Variants in TGFBI observed in about 807,000 individuals in gnomAD.
TGFBI encodes the protein transforming growth factor beta induced, also known as transforming growth factor-beta-induced protein ig-h3.
TGFBI carries 50 observed loss-of-function variants against 73.7 expected under a neutral mutation model. The ratio of observed to expected loss-of-function variants is 0.68; its 90% CI spans 0.54 to 0.86. The LOEUF (loss-of-function observed/expected upper bound fraction) is 0.86, where lower values mean the gene tolerates loss of function less well. Ranked by LOEUF, TGFBI falls within the 40% of genes least tolerant of loss-of-function variation. The pLI is 0.00. For missense variants in TGFBI, 839 were observed against 877.0 expected (o/e 0.96, Z 0.55); for synonymous variants, 362 against 360.5 (o/e 1.00, Z -0.05).
At chr5:136,044,278 G>A (rs77954727) in intron 3 of TGFBI, among the ~76,000 whole-genome samples, 156 bp downstream of exon 3, 34 of 152,354 alleles carry the variant, frequency 2.2e-4, no homozygotes, top group Admixed American at 7.8e-4. Flanking sequence ...GGCTCTATGC[G>A]AGGGGCTGAG....
intron 2 of TGFBI, among the ~76,000 whole-genome samples, chr5:136,037,080 C>G (rs532561491): frequency 7.2e-5 from 11 of 152,196 alleles, no homozygotes; most frequent in Non-Finnish European, 1.3e-4. Context: ...CTGCTATCAT[C>G]AGGTGAAGCT....
chr5:136,053,165 T>C (rs2126913063), intron 8 of TGFBI, 46 bp downstream of exon 8: 2 of 1,566,908 alleles, frequency 1.3e-6, no homozygotes, highest in Non-Finnish European at 1.8e-6. Flanking sequence ...GCCCACCATC[T>C]CTTCTGCCAT....
intron 1 of TGFBI, among the ~76,000 whole-genome samples, chr5:136,032,265 C>A (rs1239696181): frequency 6.6e-6 from 1 of 152,140 alleles, no homozygotes; most frequent in African/African-American, 2.4e-5. Context: ...GTCCCTAGAT[C>A]CTTACATGGA....
At chr5:136,038,720 CAA>C (rs35433510) in intron 2 of TGFBI, among the ~76,000 whole-genome samples, 3 of 139,966 alleles carry the variant, frequency 2.1e-5, no homozygotes, top group Non-Finnish European at 3.1e-5. Flanking sequence ...GACTCCATCT[CAA>C]AAAAAAAAAA....
chr5:136,061,735 C>G (rs1263459532), intron 15 of TGFBI, 156 bp downstream of exon 15: 1 of 704,564 alleles, frequency 1.4e-6, no homozygotes, highest in Non-Finnish European at 2.6e-6. Flanking sequence ...CAGCCCCAGC[C>G]TGTGTCAAAT....
At chr5:136,033,175 A>G (rs1751151467) in intron 1 of TGFBI, among the ~76,000 whole-genome samples, 1 of 152,100 alleles carries the variant, frequency 6.6e-6, no homozygotes, top group Non-Finnish European at 1.5e-5. Flanking sequence ...ACCCAACATC[A>G]AATAAGGACC....
intron 1 of TGFBI, among the ~76,000 whole-genome samples, chr5:136,031,486 C>T (rs1190999327): frequency 6.6e-6 from 1 of 152,260 alleles, no homozygotes; most frequent in Non-Finnish European, 1.5e-5. Flanking sequence ...ACAGTGAGAT[C>T]TACTGTTCAT....
At chr5:136,032,793 G>A (rs1751145543) in intron 1 of TGFBI, among the ~76,000 whole-genome samples, 1 of 152,006 alleles carries the variant, frequency 6.6e-6, no homozygotes, top group South Asian at 2.1e-4. Flanking sequence ...TTCCCTAGGG[G>A]CTCCTAATGA....
chr5:136,048,589 A>G (rs1561610816), intron 6 of TGFBI: 1 of 152,316 alleles, frequency 6.6e-6, no homozygotes, highest in Admixed American at 6.5e-5. Flanking sequence ...GGGCAGGTAA[A>G]TCGGGAGTGA....
chr5:136,054,516 A>G (rs1242557305), intron 9 of TGFBI, among the ~76,000 whole-genome samples, 200 bp from the exon 10 acceptor site: 1 of 152,190 alleles, frequency 6.6e-6, no homozygotes, highest in Non-Finnish European at 1.5e-5. Flanking sequence ...AAAACTCCAA[A>G]CACCCTTGAT....
intron 2 of TGFBI, among the ~76,000 whole-genome samples, chr5:136,040,636 C>T (rs1751313369): frequency 6.6e-6 from 1 of 152,206 alleles, no homozygotes; most frequent in Non-Finnish European, 1.5e-5. Context: ...AAGGGATCTG[C>T]TTTTTCTGAC....
intron 3 of TGFBI, among the ~76,000 whole-genome samples, chr5:136,044,397 A>G (rs1333577781): frequency 6.6e-6 from 1 of 152,262 alleles, no homozygotes; most frequent in Non-Finnish European, 1.5e-5. Flanking sequence ...CCCAGCAGGC[A>G]CAGGCTCAGG....
intron 13 of TGFBI, among the ~76,000 whole-genome samples, chr5:136,059,844 A>C (rs1751716134): frequency 6.6e-6 from 1 of 152,140 alleles, no homozygotes; most frequent in African/African-American, 2.4e-5. Context: ...ATTGCTCACC[A>C]GTTTCTCACG....
chr5:136,053,191 AG>A, intron 8 of TGFBI, 72 bp downstream of exon 8: 1 of 1,467,950 alleles, frequency 6.8e-7, no homozygotes, highest in East Asian at 2.3e-5. Flanking sequence ...GTGGCGGGGG[AG>A]GGGAAATTCA....
chr5:136,037,646 G>A (rs190539920), intron 2 of TGFBI, among the ~76,000 whole-genome samples: 23 of 152,260 alleles, frequency 1.5e-4, no homozygotes, highest in South Asian at 1.0e-3. Flanking sequence ...ATTGTTTCAC[G>A]AGCAACACAT....
At chr5:136,061,733 G>T (rs1751752716) in intron 15 of TGFBI, 154 bp downstream of exon 15, 1 of 705,526 alleles carries the variant, frequency 1.4e-6, no homozygotes, top group South Asian at 1.5e-5. Context: ...CTCAGCCCCA[G>T]CCTGTGTCAA....
chr5:136,034,121 CGTGTGTGTGTGT>C (rs10626743), intron 2 of TGFBI, among the ~76,000 whole-genome samples: 1 of 149,536 alleles, frequency 6.7e-6, no homozygotes, highest in East Asian at 2.0e-4. Flanking sequence ...TGAAACACTG[CGTGTGTGTGTGT>C]GTGTGTGTGT....
At position 136,053,136 on chromosome 5, in the gene TGFBI, G is replaced by T; in HGVS notation, c.1126+17G>T. On this transcript the variant is annotated intron_variant, in intron 8 of 16. Transcript: ENST00000442011. ...CAGACTCAGGTAGGCCAGGCCTCCG[G>T]GGGCCTTGGCCCTGCCTGGCCCACC... The T allele has an allele frequency of 6.2e-7, 1 of 1,611,704 alleles. No homozygotes were observed. The highest frequency in any genetic ancestry group is 8.5e-7 in the Non-Finnish European group (1 of 1,178,448).
Position 136,033,790 on chromosome 5 carries a change from T to C in TGFBI, c.162T>C (p.Val54=). 6.2e-7 allele frequency: 1 copy of C among 1,614,000 alleles called. No homozygotes were observed. Among genetic ancestry groups the C allele is most frequent in the Non-Finnish European group, 8.5e-7 (1 of 1,179,880 alleles). The change falls in exon 2 of 17, where the codon GTT becomes GTC. Residue 54 remains valine, a synonymous_variant. Transcript: ENST00000442011. ...CCAACGTGTGTGCTGTGCAGAAGGT[T>C]ATTGGCACTAATAGGAAGTACTTCA... The part of the protein sequence containing the change: ...HGPNVCAVQK[V]IGTNRKYFTN...
Sources: allele counts gnomAD v4.1 joint callset (sites outside exome capture counted in the v4.1 genomes callset), GRCh38; gene constraint gnomAD v4.1.1; transcripts MANE v1.5; gene names NCBI Gene and HGNC (gene_info 2026-07-23, HGNC 2026-07-21).